USH2A: variants seen among roughly 807,000 people sequenced by gnomAD.
The protein encoded by USH2A is Usher syndrome 2A (autosomal recessive, mild).
A neutral mutation model predicts 538.9 loss-of-function variants in USH2A; 443 were observed. The observed-to-expected ratio is 0.82, with a 90% confidence interval of 0.76 to 0.89. The LOEUF (loss-of-function observed/expected upper bound fraction) is 0.89, where lower values mean the gene tolerates loss of function less well. Ranked by LOEUF, USH2A falls within the 40% of genes least tolerant of loss-of-function variation. The pLI is 0.00. For synonymous variants in USH2A, 2,413 were observed against 2,273.5 expected (o/e 1.06, Z -1.75); for missense variants, 6,633 against 6,324.8 (o/e 1.05, Z -1.65).
chr1:216,164,451 A>T (rs559059457), intron 21 of USH2A, among the ~76,000 whole-genome samples: 66 of 152,260 alleles, frequency 4.3e-4, no homozygotes, highest in African/African-American at 1.6e-3. Flanking sequence ...AATCCAAATG[A>T]CAGTAGATTG....
intron 61 of USH2A, among the ~76,000 whole-genome samples, chr1:215,722,777 G>A (rs1472819642): frequency 6.6e-6 from 1 of 152,140 alleles, no homozygotes; most frequent in Non-Finnish European, 1.5e-5. Context: ...TTAGGATACT[G>A]GGCAAATGCA....
At chr1:216,011,329 T>G (rs536251420) in intron 32 of USH2A, among the ~76,000 whole-genome samples, 5 of 152,106 alleles carry the variant, frequency 3.3e-5, no homozygotes, top group African/African-American at 9.7e-5. Flanking sequence ...CTGACACCCA[T>G]TAGGCTCAGC....
intron 4 of USH2A, among the ~76,000 whole-genome samples, chr1:216,364,689 C>A (rs1257306383): frequency 6.6e-6 from 1 of 152,066 alleles, no homozygotes; most frequent in Non-Finnish European, 1.5e-5. Flanking sequence ...GTAGCTACCA[C>A]GAAGAGAGAC....
chr1:215,889,431 A>G (rs1218359161), intron 40 of USH2A, among the ~76,000 whole-genome samples: 4 of 152,184 alleles, frequency 2.6e-5, no homozygotes, highest in Admixed American at 6.5e-5. Context: ...CTAGAGCCCC[A>G]GTAACTAATT....
At position 215,790,114 on chromosome 1, in the gene USH2A, T is replaced by C. The variant is rs1170694023; in HGVS notation, c.10127A>G (p.Tyr3376Cys). The C allele has an allele frequency of 8.1e-6, 13 of 1,613,878 alleles. No homozygotes were observed. In the Admixed American group the frequency reaches 2.2e-4, roughly 27 times the overall value. Residue 3376 changes from tyrosine to cysteine, a missense_variant, in exon 51 of 72, where the codon TAT (tyrosine) becomes TGT (cysteine). Coordinates refer to ENST00000307340, the MANE Select transcript of USH2A (RefSeq NM_206933.4). ...KSQKCCNGVG[Y>C]NPLKYVCSDK... is the part of the protein sequence containing the mutation. Reference sequence around the variant, plus strand: ...AGAGCAAACATATTTCAAAGGATTATATCCAACTCCATTACAGCATTTCTG... The same window carrying C: ...AGAGCAAACATATTTCAAAGGATTACATCCAACTCCATTACAGCATTTCTG...
chr1:216,029,937 A>T (rs1007082965), intron 32 of USH2A, among the ~76,000 whole-genome samples: 2 of 149,750 alleles, frequency 1.3e-5, no homozygotes, highest in Admixed American at 6.8e-5. Flanking sequence ...CCCATCACTG[A>T]TAGAATGGTT....
At chr1:216,111,795 GTATTTTCT>G in intron 21 of USH2A, among the ~76,000 whole-genome samples, 1 of 150,796 alleles carries the variant, frequency 6.6e-6, no homozygotes, top group East Asian at 1.9e-4. Flanking sequence ...TATTAGCTAG[GTATTTTCT>G]TATTCTTGCA....
In USH2A at chr1:216,299,086, C is replaced by T. The variant is rs527428409; in HGVS notation, c.1645-6716G>A. Among the ~76,000 whole-genome samples, 4 of 152,236 alleles carry T rather than the reference C, an allele frequency of 2.6e-5. No homozygotes were observed. The South Asian group carries it at 8.3e-4, about 32-fold the overall frequency. On this transcript the variant is annotated intron_variant, in intron 9 of 71. Transcript: ENST00000307340. The stretch of plus-strand genomic sequence containing the variant: ...CTCCATCTCCTGACCTCGTGATCCA[C>T]CCGCCTCGGCCTCCCAAAGTGCTAG...
intron 38 of USH2A, among the ~76,000 whole-genome samples, chr1:215,924,768 A>G (rs1183499599): frequency 2.0e-5 from 3 of 152,100 alleles, no homozygotes; most frequent in African/African-American, 4.8e-5. Flanking sequence ...AAAGAAAAAG[A>G]TGTGATTTTA....
chr1:216,024,218 G>C (rs1668910351), intron 32 of USH2A, among the ~76,000 whole-genome samples: 1 of 152,062 alleles, frequency 6.6e-6, no homozygotes, highest in Non-Finnish European at 1.5e-5. Flanking sequence ...ATTAGCAAGA[G>C]CTGAGCGCCA....
chr1:215,747,910 A>G (rs1660521774), intron 58 of USH2A, among the ~76,000 whole-genome samples: 1 of 143,812 alleles, frequency 7.0e-6, no homozygotes, highest in Non-Finnish European at 1.5e-5. Context: ...TTTGAGACGG[A>G]GTCTCGCTCT....
intron 29 of USH2A, among the ~76,000 whole-genome samples, chr1:216,070,746 T>C (rs2031532671): frequency 6.6e-6 from 1 of 152,010 alleles, no homozygotes; most frequent in African/African-American, 2.4e-5. Context: ...TGTGTTGTAC[T>C]TGAATGCCTA....
At chr1:215,952,929 C>T (rs1666960405) in intron 37 of USH2A, among the ~76,000 whole-genome samples, 1 of 152,242 alleles carries the variant, frequency 6.6e-6, no homozygotes, top group East Asian at 1.9e-4. Context: ...AACAGACAAA[C>T]AGAGAGCCAA....
intron 21 of USH2A, among the ~76,000 whole-genome samples, chr1:216,122,402 TG>T (rs2033155725): frequency 6.6e-6 from 1 of 152,122 alleles, no homozygotes. Context: ...AGGTGAAACT[TG>T]GAAGGCCAGA....
At chr1:215,787,249 A>G (rs577052623) in intron 51 of USH2A, among the ~76,000 whole-genome samples, 2 of 152,310 alleles carry the variant, frequency 1.3e-5, no homozygotes, top group East Asian at 1.9e-4. Context: ...CTCAAAACTG[A>G]TAAGTCTTTA....
At chr1:216,106,862 A>T (rs1166767988) in intron 21 of USH2A, among the ~76,000 whole-genome samples, 1 of 151,880 alleles carries the variant, frequency 6.6e-6, no homozygotes, top group Non-Finnish European at 1.5e-5. Context: ...TTGTTAAAAA[A>T]TTCCCCTTAA....
chr1:216,301,744 C>A (rs2102623330), intron 9 of USH2A, among the ~76,000 whole-genome samples: 1 of 152,288 alleles, frequency 6.6e-6, no homozygotes. Context: ...TACAGTACTG[C>A]TCACTGAATA....
At position 215,781,877 on chromosome 1, in the gene USH2A, C is replaced by A. The variant is rs543297122; in HGVS notation, c.10740+165G>T. ...CCCTTGAAATGATCTCTCCTTCCAG[C>A]CATAGGTATTAGCACTCAGTTAACG... On this transcript the variant is annotated intron_variant, in intron 54 of 71. Coordinates refer to ENST00000307340, the MANE Select transcript of USH2A (RefSeq NM_206933.4). 3.3e-5 allele frequency among the ~76,000 whole-genome samples: 5 copies of A among 152,268 alleles called. No individual in the cohort carries two copies. The South Asian group carries it at 8.3e-4, about 25-fold the overall frequency.
chr1:216,165,629 A>G (rs529893391), intron 21 of USH2A, among the ~76,000 whole-genome samples: 1 of 152,328 alleles, frequency 6.6e-6, no homozygotes, highest in African/African-American at 2.4e-5. Context: ...CCATTAAATA[A>G]TTCTTACAGC....
Sources: gnomAD v4.1 joint callset for allele counts (sites outside exome capture counted in the v4.1 genomes callset) on GRCh38, gnomAD v4.1.1 for gene constraint, MANE v1.5 for transcripts, NCBI Gene and HGNC (gene_info 2026-07-23, HGNC 2026-07-21) for gene names.